Variants in ADCY2 observed in about 807,000 individuals in gnomAD.
The protein encoded by ADCY2 is adenylate cyclase type 2.
ADCY2 carries 31 observed loss-of-function variants against 125.2 expected under a neutral mutation model. That is an observed-to-expected ratio of 0.25 (90% CI 0.19 to 0.33). The LOEUF (loss-of-function observed/expected upper bound fraction) is 0.33. Among genes scored for constraint, ADCY2 ranks in the 10% least tolerant of loss-of-function variants. ADCY2 has a pLI of 1.00. For synonymous variants in ADCY2, 512 were observed against 548.4 expected (o/e 0.93, Z 0.93); for missense variants, 904 against 1,418.2 (o/e 0.64, Z 5.82).
chr5:7,422,705 G>C (rs1407375012), intron 2 of ADCY2, among the ~76,000 whole-genome samples: 1 of 152,182 alleles, frequency 6.6e-6, no homozygotes, highest in Non-Finnish European at 1.5e-5. Flanking sequence ...CTAGGAAGGA[G>C]AGCCTTTCTT....
At chr5:7,705,958 T>C (rs966951008) in intron 7 of ADCY2, among the ~76,000 whole-genome samples, 1 of 152,164 alleles carries the variant, frequency 6.6e-6, no homozygotes, top group Non-Finnish European at 1.5e-5. Context: ...AGTGGTGGTG[T>C]CTTTATTTGA....
chr5:7,416,623 A>T (rs995612896), intron 2 of ADCY2, among the ~76,000 whole-genome samples: 1 of 152,200 alleles, frequency 6.6e-6, no homozygotes, highest in East Asian at 1.9e-4. Flanking sequence ...AACTAACAGA[A>T]CTCATAAGAG....
chr5:7,724,485 A>AG, intron 12 of ADCY2, 60 bp from the exon 13 acceptor site: 1 of 1,255,684 alleles, frequency 8.0e-7, no homozygotes. Flanking sequence ...TTTAAAAAAT[A>AG]GTTCCAGATG....
intron 12 of ADCY2, among the ~76,000 whole-genome samples, chr5:7,717,667 G>A (rs1741630421): frequency 6.6e-6 from 1 of 152,202 alleles, no homozygotes; most frequent in Admixed American, 6.5e-5. Flanking sequence ...GCATTGGTGA[G>A]TAATGAGAGG....
chr5:7,468,690 A>G (rs1360321699), intron 2 of ADCY2, among the ~76,000 whole-genome samples: 2 of 152,128 alleles, frequency 1.3e-5, no homozygotes, highest in Non-Finnish European at 2.9e-5. Flanking sequence ...CCTCCTATTT[A>G]TCTGCCAGGT....
chr5:7,762,978 T>A (rs1018532923), intron 16 of ADCY2, among the ~76,000 whole-genome samples: 1 of 108,660 alleles, frequency 9.2e-6, no homozygotes. Context: ...CATGTCCTCA[T>A]GTATAGCACC....
chr5:7,406,878 C>G (rs1425074685), intron 1 of ADCY2, among the ~76,000 whole-genome samples: 1 of 152,148 alleles, frequency 6.6e-6, no homozygotes, highest in East Asian at 1.9e-4. Flanking sequence ...TGCTATTTTT[C>G]TCTGCCTTCT....
intron 1 of ADCY2, among the ~76,000 whole-genome samples, chr5:7,411,882 C>T (rs1431042144): frequency 6.6e-6 from 1 of 151,962 alleles, no homozygotes; most frequent in East Asian, 1.9e-4. Flanking sequence ...GAGACCATCC[C>T]GGCTAAAACG....
rs141899852 is a variant in ADCY2, at chr5:7,637,400, A to G, written c.720+11084A>G. 3.8e-3 allele frequency among the ~76,000 whole-genome samples: 570 copies of G among 148,888 alleles called. 1 individual carries two copies. The highest frequency in any genetic ancestry group is 0.013 in the African/African-American group (527 of 40,206). ...AGCCGAGATATCACAACACTGCACT[A>G]CAGCCTGGGTAACAGAGTGAGACTC... On this transcript the variant is annotated intron_variant, in intron 4 of 24. Coordinates refer to ENST00000338316, the MANE Select transcript of ADCY2 (RefSeq NM_020546.3).
intron 2 of ADCY2, among the ~76,000 whole-genome samples, chr5:7,502,305 C>T (rs938339867): frequency 2.0e-5 from 3 of 152,172 alleles, no homozygotes; most frequent in Non-Finnish European, 2.9e-5. Flanking sequence ...CTGTTCCCCA[C>T]CGAGCCCCAC....
intron 14 of ADCY2, among the ~76,000 whole-genome samples, chr5:7,736,582 T>C (rs1434703672): frequency 1.3e-5 from 2 of 152,170 alleles, no homozygotes; most frequent in Non-Finnish European, 2.9e-5. Context: ...ACAACTCTTC[T>C]GGGATGCTCT....
At chr5:7,462,746 G>A (rs1478301425) in intron 2 of ADCY2, among the ~76,000 whole-genome samples, 2 of 152,186 alleles carry the variant, frequency 1.3e-5, no homozygotes, top group Non-Finnish European at 2.9e-5. Context: ...GCTCATTCGT[G>A]GTGTAAATAA....
At chr5:7,506,928 C>T (rs1434495388) in intron 2 of ADCY2, among the ~76,000 whole-genome samples, 5 of 149,142 alleles carry the variant, frequency 3.4e-5, no homozygotes, top group East Asian at 2.1e-4. Context: ...GCTGGGACTA[C>T]GGGCACCCGC....
intron 1 of ADCY2, among the ~76,000 whole-genome samples, chr5:7,409,973 C>T (rs1183983410): frequency 6.6e-6 from 1 of 152,124 alleles, no homozygotes; most frequent in Non-Finnish European, 1.5e-5. Flanking sequence ...ATCTATTTAT[C>T]TATATACATA....
At chr5:7,765,568 A>G (rs1311177021) in intron 16 of ADCY2, among the ~76,000 whole-genome samples, 3 of 152,146 alleles carry the variant, frequency 2.0e-5, no homozygotes, top group Non-Finnish European at 1.5e-5. Context: ...TGTGAGAGGA[A>G]TGTTCCCAAG....
At chr5:7,506,458 T>C (rs1356318379) in intron 2 of ADCY2, among the ~76,000 whole-genome samples, 1 of 152,156 alleles carries the variant, frequency 6.6e-6, no homozygotes, top group East Asian at 1.9e-4. Context: ...ACAGCTGGCA[T>C]TTGAACAGAA....
chr5:7,688,728 G>A (rs1301559180), intron 4 of ADCY2, among the ~76,000 whole-genome samples: 1 of 152,118 alleles, frequency 6.6e-6, no homozygotes, highest in East Asian at 1.9e-4. Context: ...AATAGGAAGT[G>A]ACCACCCACA....
chr5:7,796,698 G>T (rs1579446777), intron 20 of ADCY2: 1 of 152,166 alleles, frequency 6.6e-6, no homozygotes, highest in Non-Finnish European at 1.5e-5. Flanking sequence ...TAACTGTCAT[G>T]GCCAGATTCA....
intron 2 of ADCY2, among the ~76,000 whole-genome samples, chr5:7,506,879 C>T (rs1193977678): frequency 6.8e-6 from 1 of 146,394 alleles, no homozygotes; most frequent in Non-Finnish European, 1.5e-5. Flanking sequence ...GCCCCGCCTC[C>T]CGGGTTCACG....
Sources: allele counts gnomAD v4.1 joint callset (sites outside exome capture counted in the v4.1 genomes callset), GRCh38; gene constraint gnomAD v4.1.1; transcripts MANE v1.5; gene names NCBI Gene and HGNC (gene_info 2026-07-23, HGNC 2026-07-21).